Variants in NOS1AP observed in about 807,000 individuals in gnomAD.
The protein encoded by NOS1AP is nitric oxide synthase 1 adaptor protein, also known as carboxyl-terminal PDZ ligand of neuronal nitric oxide synthase protein.
Under a neutral mutation model 56.2 loss-of-function variants are expected in NOS1AP, and 21 were observed. The observed-to-expected ratio is 0.37, with a 90% CI of 0.26 to 0.54. The LOEUF is 0.54. NOS1AP is among the 20% of genes least tolerant of loss of function. The pLI, the probability that NOS1AP is intolerant of heterozygous loss-of-function variation, is 0.84. For synonymous variants in NOS1AP, 270 were observed against 274.6 expected, an observed-to-expected ratio of 0.98 and a Z score of 0.17; for missense variants, 522 against 657.8, an observed-to-expected ratio of 0.79 and a Z score of 2.26.
intron 2 of NOS1AP, among the ~76,000 whole-genome samples, chr1:162,162,674 T>A (rs965295130): frequency 3.3e-5 from 5 of 152,230 alleles, no homozygotes; most frequent in Non-Finnish European, 5.9e-5. Context: ...TTTGGTTACA[T>A]TATTTGTGTT....
At chr1:162,134,067 C>A (rs1229814889) in intron 1 of NOS1AP, among the ~76,000 whole-genome samples, 1 of 152,060 alleles carries the variant, frequency 6.6e-6, no homozygotes, top group African/African-American at 2.4e-5. Context: ...AAAAGGAAAC[C>A]TTAAGAATTC....
intron 4 of NOS1AP, among the ~76,000 whole-genome samples, chr1:162,320,181 G>T (rs185973421): frequency 1.2e-3 from 179 of 152,254 alleles, no homozygotes; most frequent in African/African-American, 4.2e-3. Context: ...GCGTATCTTA[G>T]AAGAGAGGTC....
At chr1:162,328,888 C>A (rs1656678541) in intron 4 of NOS1AP, among the ~76,000 whole-genome samples, 1 of 152,126 alleles carries the variant, frequency 6.6e-6, no homozygotes, top group African/African-American at 2.4e-5. Flanking sequence ...TGTATCCAGG[C>A]CTTATGACCC....
At chr1:162,257,843 C>T (rs1448200119) in intron 2 of NOS1AP, among the ~76,000 whole-genome samples, 1 of 152,126 alleles carries the variant, frequency 6.6e-6, no homozygotes, top group Non-Finnish European at 1.5e-5. Flanking sequence ...GTTCCTGGAC[C>T]TGGCTTAGCC....
intron 2 of NOS1AP, among the ~76,000 whole-genome samples, chr1:162,283,356 G>T (rs1654994507): frequency 6.6e-6 from 1 of 152,076 alleles, no homozygotes; most frequent in Non-Finnish European, 1.5e-5. Flanking sequence ...TTTAGGGCTG[G>T]CTGGTCCCTT....
At chr1:162,363,943 C>A in intron 8 of NOS1AP, 4 of 985,392 alleles carry the variant, frequency 4.1e-6, no homozygotes, top group Non-Finnish European at 4.8e-6. Flanking sequence ...GAAATAGGGT[C>A]AACGGCAAGG....
At chr1:162,298,250 T>G (rs1164883592) in intron 3 of NOS1AP, among the ~76,000 whole-genome samples, 1 of 152,250 alleles carries the variant, frequency 6.6e-6, no homozygotes. Context: ...TCATCTTCCC[T>G]GCCAGCTGGT....
At chr1:162,324,152 C>CA (rs71816214) in intron 4 of NOS1AP, among the ~76,000 whole-genome samples, 150,589 of 152,238 alleles carry the variant, frequency 0.99, 74,508 homozygotes, top group Middle Eastern at 1. Flanking sequence ...TGTCTCTGAG[C>CA]ACAACCCTCA....
At chr1:162,174,102 A>G (rs867139706) in intron 2 of NOS1AP, among the ~76,000 whole-genome samples, 5 of 152,212 alleles carry the variant, frequency 3.3e-5, no homozygotes, top group African/African-American at 1.2e-4. Flanking sequence ...ATAAAGATAC[A>G]TGCACACGTA....
intron 1 of NOS1AP, among the ~76,000 whole-genome samples, chr1:162,128,426 T>C (rs1289642776): frequency 1.3e-5 from 2 of 152,206 alleles, no homozygotes; most frequent in Non-Finnish European, 2.9e-5. Context: ...CTCAACAATC[T>C]CTATTCTCCT....
At chr1:162,191,406 G>A (rs1651643082) in intron 2 of NOS1AP, among the ~76,000 whole-genome samples, 1 of 152,100 alleles carries the variant, frequency 6.6e-6, no homozygotes, top group Non-Finnish European at 1.5e-5. Flanking sequence ...GCACTATGGT[G>A]CAGGGGTTTG....
intron 1 of NOS1AP, among the ~76,000 whole-genome samples, chr1:162,113,457 C>A (rs1054293623): frequency 6.6e-6 from 1 of 152,076 alleles, no homozygotes; most frequent in African/African-American, 2.4e-5. Context: ...AAGAAACACC[C>A]GAGACTGGGT....
chr1:162,162,283 C>T (rs1204587784), intron 2 of NOS1AP, among the ~76,000 whole-genome samples: 1 of 152,140 alleles, frequency 6.6e-6, no homozygotes, highest in Non-Finnish European at 1.5e-5. Context: ...ATGAAGGACA[C>T]ATGACTGCAC....
At chr1:162,208,221 C>T (rs1652230184) in intron 2 of NOS1AP, among the ~76,000 whole-genome samples, 4 of 152,178 alleles carry the variant, frequency 2.6e-5, no homozygotes, top group African/African-American at 7.2e-5. Flanking sequence ...AAGCTCAGGA[C>T]CCATCTGTTT....
intron 2 of NOS1AP, among the ~76,000 whole-genome samples, chr1:162,198,468 G>A (rs1011976448): frequency 7.2e-5 from 11 of 152,264 alleles, no homozygotes; most frequent in African/African-American, 2.6e-4. Flanking sequence ...GACATTTCCA[G>A]GGCTGGATTT....
chr1:162,151,318 T>C (rs1044619555), intron 1 of NOS1AP, among the ~76,000 whole-genome samples: 10 of 152,262 alleles, frequency 6.6e-5, no homozygotes. Flanking sequence ...TCCATTGGTC[T>C]ATGTGTCTGT....
At chr1:162,073,810 G>C (rs993840337) in intron 1 of NOS1AP, among the ~76,000 whole-genome samples, 1 of 152,212 alleles carries the variant, frequency 6.6e-6, no homozygotes, top group African/African-American at 2.4e-5. Context: ...GCTGAGAGCT[G>C]CTTGCCAGGG....
intron 2 of NOS1AP, among the ~76,000 whole-genome samples, chr1:162,265,833 C>T (rs184722968): frequency 1.6e-3 from 249 of 152,288 alleles, no homozygotes; most frequent in Non-Finnish European, 2.8e-3. Context: ...CATAAGCTTA[C>T]ACAAGATAGA....
intron 1 of NOS1AP, among the ~76,000 whole-genome samples, chr1:162,105,464 C>T (rs990590335): frequency 1.3e-5 from 2 of 152,232 alleles, no homozygotes; most frequent in African/African-American, 2.4e-5. Context: ...TACCATTCCT[C>T]ATTCAGATCA....
Sources: gnomAD v4.1 joint callset for allele counts (sites outside exome capture counted in the v4.1 genomes callset) on GRCh38, gnomAD v4.1.1 for gene constraint, MANE v1.5 for transcripts, NCBI Gene and HGNC (gene_info 2026-07-23, HGNC 2026-07-21) for gene names.